SRGAP2B: variants seen among roughly 807,000 people sequenced by gnomAD.
SRGAP2B encodes the protein SLIT-ROBO Rho GTPase activating protein 2B.
SRGAP2B carries 9 observed loss-of-function variants against 22.2 expected under a neutral mutation model. The ratio of observed to expected loss-of-function variants is 0.41; its 90% CI spans 0.24 to 0.71. The LOEUF is 0.71. Ranked by LOEUF, SRGAP2B falls within the 30% of genes least tolerant of loss-of-function variation. SRGAP2B has a pLI of 0.35. For synonymous variants in SRGAP2B, 36 were observed against 87.4 expected (o/e 0.41, Z 3.28); for missense variants, 114 against 235.8 (o/e 0.48, Z 3.38).
At chr1:144,924,768 G>T (rs1365185929) in intron 4 of SRGAP2B, among the ~76,000 whole-genome samples, 3 of 141,000 alleles carry the variant, frequency 2.1e-5, no homozygotes, top group Non-Finnish European at 4.5e-5. Context: ...GTATCTACCC[G>T]CAGTTGTCAG....
intron 4 of SRGAP2B, among the ~76,000 whole-genome samples, chr1:144,932,125 T>G: frequency 6.7e-6 from 1 of 148,604 alleles, no homozygotes. Context: ...AAGAATTGCT[T>G]GCTGTAGTTA....
At chr1:145,068,904 T>C (rs1262926327) in intron 2 of SRGAP2B, among the ~76,000 whole-genome samples, 2 of 77,720 alleles carry the variant, frequency 2.6e-5, no homozygotes, top group East Asian at 2.7e-4. Flanking sequence ...TGTGTGTGTG[T>C]GTGTGTGTGT....
intron 4 of SRGAP2B, chr1:144,917,731 T>C (rs1663961257): frequency 7.5e-6 from 1 of 133,062 alleles, no homozygotes; most frequent in Admixed American, 7.3e-5. Context: ...GGAATACATG[T>C]GTAGCGAGCC....
At chr1:145,030,723 T>TAC (rs1648221013) in intron 2 of SRGAP2B, among the ~76,000 whole-genome samples, 2 of 30,066 alleles carry the variant, frequency 6.7e-5, no homozygotes, top group East Asian at 1.9e-3. Context: ...AAAAAAAAAA[T>TAC]ATATATATAT....
intron 2 of SRGAP2B, among the ~76,000 whole-genome samples, chr1:145,036,290 G>T (rs1309374490): frequency 2.8e-5 from 4 of 141,458 alleles, no homozygotes; most frequent in Non-Finnish European, 6.0e-5. Context: ...AGTTGCCATG[G>T]CAACTAACAC....
At position 145,031,689 on chromosome 1, in the gene SRGAP2B, T is replaced by C. The variant is rs1553626106; in HGVS notation, c.68-36489A>G. Among the ~76,000 whole-genome samples, 2 of 143,410 alleles carry C rather than the reference T, an allele frequency of 1.4e-5. 1 individual carries two copies. The highest frequency in any genetic ancestry group is 5.8e-5 in the African/African-American group (2 of 34,312). The allele number at this position is 143,410 out of a possible 152,430, so 94.1% of individuals were successfully genotyped here. On this transcript the variant is annotated intron_variant, in intron 2 of 9. Coordinates refer to ENST00000612199, the Ensembl canonical transcript of SRGAP2B. ...GGTGAAACCCCGTCTCTACTAAAAA[T>C]ACAAAAAATTAGCCCGGAGTGGTGG...
At chr1:144,904,042 C>T (rs1662804329) in intron 7 of SRGAP2B, among the ~76,000 whole-genome samples, 1 of 139,108 alleles carries the variant, frequency 7.2e-6, no homozygotes, top group Non-Finnish European at 1.6e-5. Flanking sequence ...AAAGCTTATC[C>T]CTGCGCTTGC....
intron 3 of SRGAP2B, among the ~76,000 whole-genome samples, chr1:144,967,497 T>TA (rs2101994186): frequency 6.8e-6 from 1 of 146,190 alleles, no homozygotes; most frequent in South Asian, 2.2e-4. Flanking sequence ...AAGCAGTGTG[T>TA]AGAGGGAAAT....
intron 2 of SRGAP2B, among the ~76,000 whole-genome samples, chr1:145,016,834 G>A (rs1370958291): frequency 6.7e-6 from 1 of 149,998 alleles, no homozygotes; most frequent in Non-Finnish European, 1.5e-5. Context: ...ACAAAGAAAA[G>A]CACTCAAGTT....
intron 2 of SRGAP2B, among the ~76,000 whole-genome samples, chr1:144,997,442 A>C (rs1318398946): frequency 6.7e-6 from 1 of 149,544 alleles, no homozygotes; most frequent in South Asian, 2.1e-4. Context: ...AACAAACAAC[A>C]AAAAAAAGAA....
At chr1:145,062,674 GCA>G (rs1651049981) in intron 2 of SRGAP2B, among the ~76,000 whole-genome samples, 1 of 149,242 alleles carries the variant, frequency 6.7e-6, no homozygotes, top group Non-Finnish European at 1.5e-5. Flanking sequence ...AAGAGAAGCA[GCA>G]CAGAGTCTCA....
intron 2 of SRGAP2B, among the ~76,000 whole-genome samples, chr1:145,090,091 T>C (rs1553636079): frequency 6.8e-6 from 1 of 146,636 alleles, no homozygotes. Flanking sequence ...ATTTTCTTTT[T>C]ATCTTGGCAT....
At chr1:145,041,074 A>AGTAT (rs1649179725) in intron 2 of SRGAP2B, among the ~76,000 whole-genome samples, 2 of 73,360 alleles carry the variant, frequency 2.7e-5, no homozygotes, top group African/African-American at 7.5e-5. Flanking sequence ...GTATATATAT[A>AGTAT]GTATATATAT....
chr1:145,041,087 A>ATATATG (rs1208297046), intron 2 of SRGAP2B, among the ~76,000 whole-genome samples: 2 of 117,946 alleles, frequency 1.7e-5, no homozygotes, highest in African/African-American at 7.2e-5. Flanking sequence ...ATATATATAT[A>ATATATG]TATATATATA....
chr1:144,925,159 T>C (rs1393806766), intron 4 of SRGAP2B, among the ~76,000 whole-genome samples: 1 of 149,570 alleles, frequency 6.7e-6, no homozygotes, highest in African/African-American at 2.5e-5. Context: ...TTCACCACCA[T>C]GCCTGGATAA....
chr1:145,084,326 G>A (rs1653185862), intron 2 of SRGAP2B, among the ~76,000 whole-genome samples: 1 of 145,156 alleles, frequency 6.9e-6, no homozygotes, highest in Admixed American at 6.9e-5. Context: ...ACTGCCCCCA[G>A]CAGAAGGATG....
rs1427524555 is a variant in SRGAP2B at position 145,044,676 on chromosome 1, A to C, written c.67+48159T>G. Among the ~76,000 whole-genome samples, 344 of 110,822 alleles carry C rather than the reference A, an allele frequency of 3.1e-3. 1 individual carries two copies. Among genetic ancestry groups the C allele is most frequent in the African/African-American group, 0.011 (316 of 29,666 alleles). The allele number at this position is 110,822 out of a possible 152,430, so 72.7% of individuals were successfully genotyped here. On this transcript the variant is annotated intron_variant, in intron 2 of 9. Coordinates refer to ENST00000612199, the Ensembl canonical transcript of SRGAP2B. Reference sequence around the variant, plus strand: ...AAAAAAAAAAAAAAAAAAAAAAAAAAAAAAAAAAAAAAAAAAAAAAAAAAC... The same window carrying C: ...AAAAAAAAAAAAAAAAAAAAAAAAACAAAAAAAAAAAAAAAAAAAAAAAAC...
chr1:144,925,774 A>G (rs1474122261), intron 4 of SRGAP2B, among the ~76,000 whole-genome samples: 1 of 144,338 alleles, frequency 6.9e-6, no homozygotes, highest in Non-Finnish European at 1.5e-5. Flanking sequence ...AAAGAAAGAA[A>G]GAAAGAAAGA....
chr1:144,996,152 T>C (rs1237530531), intron 2 of SRGAP2B, among the ~76,000 whole-genome samples: 1 of 151,234 alleles, frequency 6.6e-6, no homozygotes, highest in South Asian at 2.1e-4. Context: ...GCACTGCATT[T>C]GTTACTGACA....
Sources: gnomAD v4.1 joint callset for allele counts (sites outside exome capture counted in the v4.1 genomes callset) on GRCh38, gnomAD v4.1.1 for gene constraint, MANE v1.5 for transcripts, NCBI Gene and HGNC (gene_info 2026-07-23, HGNC 2026-07-21) for gene names.